MAP2K1: variants seen among roughly 807,000 people sequenced by gnomAD.
MAP2K1 encodes dual specificity mitogen-activated protein kinase kinase 1.
Under a neutral mutation model 46.3 loss-of-function variants are expected in MAP2K1, and 16 were observed. The observed-to-expected ratio is 0.35, with a 90% CI of 0.23 to 0.52. MAP2K1 has a LOEUF of 0.52. Ranked by LOEUF, MAP2K1 falls within the 20% of genes least tolerant of loss-of-function variation. The pLI is 0.94. For synonymous variants in MAP2K1, 183 were observed against 185.6 expected, an observed-to-expected ratio of 0.99 and a Z score of 0.11; for missense variants, 263 against 497.1, an observed-to-expected ratio of 0.53 and a Z score of 4.48.
chr15:66,455,038 A>G (rs1176597222), intron 5 of MAP2K1, among the ~76,000 whole-genome samples: 1 of 152,138 alleles, frequency 6.6e-6, no homozygotes, highest in African/African-American at 2.4e-5. Context: ...GTACAACTCT[A>G]ACAGTGCTAT....
chr15:66,414,275 G>A (rs2093419328), intron 1 of MAP2K1, among the ~76,000 whole-genome samples: 1 of 118,954 alleles, frequency 8.4e-6, no homozygotes, highest in Admixed American at 8.5e-5. Flanking sequence ...AATCTAAGGG[G>A]TTTCCTGACC....
chr15:66,489,438 C>A (rs985602981), intron 9 of MAP2K1, 162 bp downstream of exon 9: 1 of 738,956 alleles, frequency 1.4e-6, no homozygotes, highest in Non-Finnish European at 2.4e-6. Flanking sequence ...TTTAGAGTGC[C>A]AAGACTTATG....
Position 66,396,706 on chromosome 15 carries a change from C to CA in MAP2K1, c.80+9280dup, listed in dbSNP as rs1171382231. ...ATAGTTCTTTTTTCTTTTTTTGAGACAGAGTTTTGCTCTTGTTGCCCAAGC... is the reference window on the plus strand; with the variant it reads ...ATAGTTCTTTTTTCTTTTTTTGAGACAAGAGTTTTGCTCTTGTTGCCCAAGC... On this transcript the variant is annotated intron_variant, in intron 1 of 10. Coordinates refer to ENST00000307102, the MANE Select transcript of MAP2K1 (RefSeq NM_002755.4). 7.9e-5 allele frequency among the ~76,000 whole-genome samples: 12 copies of CA among 152,034 alleles called. No individual in the cohort carries two copies. The East Asian group carries it at 2.3e-3, about 30-fold the overall frequency.
At chr15:66,440,080 G>T (rs369978435) in intron 3 of MAP2K1, among the ~76,000 whole-genome samples, 7 of 149,852 alleles carry the variant, frequency 4.7e-5, no homozygotes, top group Admixed American at 2.0e-4. Flanking sequence ...TGGGGGGCGC[G>T]TGGGGTTCTG....
At chr15:66,458,583 C>G (rs923964060) in intron 5 of MAP2K1, among the ~76,000 whole-genome samples, 4 of 152,238 alleles carry the variant, frequency 2.6e-5, no homozygotes, top group African/African-American at 4.8e-5. Flanking sequence ...GTGGTGCGAT[C>G]ATGGCTCACT....
chr15:66,476,915 G>A (rs1349194344), intron 5 of MAP2K1, among the ~76,000 whole-genome samples: 1 of 152,170 alleles, frequency 6.6e-6, no homozygotes, highest in African/African-American at 2.4e-5. Context: ...CCAGAGAAGA[G>A]CTAGACTTGG....
chr15:66,419,895 TAAACAAAAAA>T (rs2093433487), intron 1 of MAP2K1, among the ~76,000 whole-genome samples: 1 of 41,536 alleles, frequency 2.4e-5, no homozygotes, highest in African/African-American at 4.2e-5. Context: ...TTTTATGACA[TAAACAAAAAA>T]AAAGTCTGTT....
At chr15:66,468,261 C>G (rs1892516007) in intron 5 of MAP2K1, among the ~76,000 whole-genome samples, 1 of 151,972 alleles carries the variant, frequency 6.6e-6, no homozygotes, top group South Asian at 2.1e-4. Context: ...AAAGGTAAGA[C>G]AGACCTCCTT....
chr15:66,394,426 T>C (rs1471403050), intron 1 of MAP2K1, among the ~76,000 whole-genome samples: 1 of 151,974 alleles, frequency 6.6e-6, no homozygotes, highest in African/African-American at 2.4e-5. Context: ...TTATGGCTCT[T>C]TCTGAGATGT....
intron 1 of MAP2K1, chr15:66,414,908 G>A (rs1047193053): frequency 1.1e-5 from 4 of 356,308 alleles, no homozygotes; most frequent in African/African-American, 6.5e-5. Flanking sequence ...GGTCATGGCG[G>A]GGAGTGCAGA....
At chr15:66,483,677 T>C (rs939493623) in intron 6 of MAP2K1, among the ~76,000 whole-genome samples, 4 of 152,210 alleles carry the variant, frequency 2.6e-5, no homozygotes, top group Non-Finnish European at 4.4e-5. Context: ...TATACTTTTT[T>C]TCTCTTTGGC....
chr15:66,427,098 T>C (rs1249665123), intron 1 of MAP2K1, among the ~76,000 whole-genome samples: 1 of 152,146 alleles, frequency 6.6e-6, no homozygotes, highest in African/African-American at 2.4e-5. Flanking sequence ...GTAAAGTAAC[T>C]AAAGGAGTAT....
chr15:66,490,201 G>A, intron 10 of MAP2K1: 1 of 548,456 alleles, frequency 1.8e-6, no homozygotes, highest in South Asian at 1.9e-5. Flanking sequence ...TATGCACTAA[G>A]TCCATCATTT....
chr15:66,461,476 C>A (rs979364468), intron 5 of MAP2K1, among the ~76,000 whole-genome samples: 2 of 140,136 alleles, frequency 1.4e-5, no homozygotes, highest in African/African-American at 5.3e-5. Context: ...GACTCTGTCT[C>A]TAAATAAATA....
intron 5 of MAP2K1, among the ~76,000 whole-genome samples, chr15:66,469,471 CCTTTTT>C (rs1191602676): frequency 9.0e-5 from 6 of 66,910 alleles, no homozygotes. Context: ...TCTGGTGCCT[CCTTTTT>C]TTTTTTTTTT....
intron 3 of MAP2K1, among the ~76,000 whole-genome samples, 175 bp downstream of exon 3, chr15:66,437,067 G>A (rs182800877): frequency 9.8e-4 from 149 of 152,320 alleles, no homozygotes; most frequent in Non-Finnish European, 1.5e-4. Flanking sequence ...CAAGATGGCA[G>A]GCCTCCTTTC....
rs1893065532 is a variant in MAP2K1 at position 66,487,300 on chromosome 15, C to T, written c.960+8C>T. The T allele has an allele frequency of 6.2e-7, 1 of 1,613,764 alleles. No individual in the cohort carries two copies. Among genetic ancestry groups the T allele is most frequent in the South Asian group, 1.1e-5 (1 of 91,080 alleles). On this transcript the variant is annotated splice_region_variant and intron_variant, in intron 8 of 10. Coordinates refer to ENST00000307102, the MANE Select transcript of MAP2K1 (RefSeq NM_002755.4). ...GATTACATAGTCAACGAGGTAAGTA[C>T]TGCCTGGTTTCCTTCACCTTGGAAT...
At chr15:66,448,535 A>G (rs1891940834) in intron 5 of MAP2K1, among the ~76,000 whole-genome samples, 1 of 152,190 alleles carries the variant, frequency 6.6e-6, no homozygotes, top group Non-Finnish European at 1.5e-5. Flanking sequence ...AAAGAAGAAT[A>G]TTGTGCAAGT....
intron 5 of MAP2K1, among the ~76,000 whole-genome samples, chr15:66,465,342 G>A (rs1246097025): frequency 6.6e-6 from 1 of 152,120 alleles, no homozygotes; most frequent in African/African-American, 2.4e-5. Context: ...AACTCTAAGG[G>A]GGTCCACGTG....
Sources: gnomAD v4.1 joint callset for allele counts (sites outside exome capture counted in the v4.1 genomes callset) on GRCh38, gnomAD v4.1.1 for gene constraint, MANE v1.5 for transcripts, NCBI Gene and HGNC (gene_info 2026-07-23, HGNC 2026-07-21) for gene names.